The following FRMD4A variants were observed in gnomAD, a reference collection of about 807,000 sequenced individuals.
FRMD4A encodes the protein FERM domain-containing protein 4A.
A neutral mutation model predicts 129.1 loss-of-function variants in FRMD4A; 29 were observed. That is an observed-to-expected ratio of 0.22 (90% CI 0.17 to 0.31). The LOEUF (loss-of-function observed/expected upper bound fraction) is 0.31. Among genes scored for constraint, FRMD4A ranks in the 10% least tolerant of loss-of-function variants. FRMD4A has a pLI of 1.00. For synonymous variants in FRMD4A, 634 were observed against 571.6 expected, an observed-to-expected ratio of 1.11 and a Z score of -1.56; for missense variants, 1,272 against 1,375.8, an observed-to-expected ratio of 0.92 and a Z score of 1.19.
intron 15 of FRMD4A, among the ~76,000 whole-genome samples, chr10:13,689,489 A>G (rs1405094939): frequency 6.6e-6 from 1 of 150,874 alleles, no homozygotes; most frequent in African/African-American, 2.4e-5. Flanking sequence ...GACAGATCCT[A>G]TGGGAGGTAT....
At chr10:14,111,016 TA>T (rs1389582259) in intron 2 of FRMD4A, among the ~76,000 whole-genome samples, 1 of 152,218 alleles carries the variant, frequency 6.6e-6, no homozygotes, top group African/African-American at 2.4e-5. Flanking sequence ...ACACATATCA[TA>T]AAATTTACCT....
intron 2 of FRMD4A, among the ~76,000 whole-genome samples, chr10:13,926,314 T>A (rs1006494959): frequency 1.3e-5 from 2 of 152,134 alleles, no homozygotes; most frequent in Non-Finnish European, 2.9e-5. Context: ...TCCAGATAGT[T>A]GAGATTTTAC....
chr10:13,724,027 C>A (rs2089686242), intron 12 of FRMD4A, among the ~76,000 whole-genome samples: 1 of 152,162 alleles, frequency 6.6e-6, no homozygotes, highest in African/African-American at 2.4e-5. Flanking sequence ...TCAGAAAAGT[C>A]ATGGGACTGC....
At chr10:14,206,293 AGT>A (rs1422165405) in intron 2 of FRMD4A, among the ~76,000 whole-genome samples, 1 of 152,200 alleles carries the variant, frequency 6.6e-6, no homozygotes, top group Non-Finnish European at 1.5e-5. Flanking sequence ...TCAGCACTTA[AGT>A]TGGGGGAAAA....
chr10:13,905,737 G>T (rs1311290331), intron 2 of FRMD4A, among the ~76,000 whole-genome samples: 1 of 152,172 alleles, frequency 6.6e-6, no homozygotes, highest in Non-Finnish European at 1.5e-5. Context: ...CTTGCCAAAA[G>T]TCTGTACCTA....
chr10:14,171,697 C>T (rs116599382), intron 2 of FRMD4A, among the ~76,000 whole-genome samples: 2,214 of 152,334 alleles, frequency 0.015, 55 homozygotes, highest in African/African-American at 0.049. Flanking sequence ...AAGTCCATTA[C>T]ATGGTGTAAT....
At chr10:13,897,271 A>C (rs2131181249) in intron 2 of FRMD4A, among the ~76,000 whole-genome samples, 1 of 152,338 alleles carries the variant, frequency 6.6e-6, no homozygotes, top group Non-Finnish European at 1.5e-5. Context: ...TCCTTGCTGG[A>C]GAAGAAAGAA....
chr10:13,694,197 C>G (rs2085998699), intron 14 of FRMD4A, among the ~76,000 whole-genome samples, 158 bp from the exon 15 acceptor site: 1 of 152,214 alleles, frequency 6.6e-6, no homozygotes. Context: ...TTGGCCTCAT[C>G]ATTAATCACC....
chr10:14,237,753 G>A (rs1468543750), intron 2 of FRMD4A, among the ~76,000 whole-genome samples: 1 of 152,168 alleles, frequency 6.6e-6, no homozygotes, highest in Non-Finnish European at 1.5e-5. Context: ...CAACTGGTAG[G>A]CAAATGCTCT....
chr10:13,831,713 T>C (rs2093793178), intron 3 of FRMD4A, among the ~76,000 whole-genome samples: 1 of 152,186 alleles, frequency 6.6e-6, no homozygotes, highest in African/African-American at 2.4e-5. Flanking sequence ...GTTAATTCCT[T>C]CCACACGTCC....
intron 2 of FRMD4A, chr10:14,008,057 T>C (rs1208569477): frequency 1.5e-6 from 2 of 1,302,866 alleles, no homozygotes; most frequent in Non-Finnish European, 2.0e-6. Flanking sequence ...CCACGTAGCT[T>C]ACCCTTTCAA....
intron 14 of FRMD4A, among the ~76,000 whole-genome samples, chr10:13,699,025 C>G (rs544121290): frequency 6.6e-6 from 1 of 151,032 alleles, no homozygotes; most frequent in African/African-American, 2.4e-5. Context: ...CTAAAAGACA[C>G]GTCTTGTTGC....
chr10:13,810,875 C>G lies in FRMD4A; in HGVS notation c.145G>C (p.Val49Leu). The part of the protein sequence containing the change: ...KLLAKELLDL[V>L]ASHFNLKEKE... Reference sequence around the variant, plus strand: ...TCCTTCAGATTGAAGTGAGAAGCCACAAGGTCAAGAAGCTCCTTGGCCAAC... The same window carrying G: ...TCCTTCAGATTGAAGTGAGAAGCCAGAAGGTCAAGAAGCTCCTTGGCCAAC... Residue 49 changes from valine (V) to leucine (L), a missense_variant, in exon 4 of 25, where the codon GTG becomes CTG. Val to Leu is a conservative substitution (Grantham distance 32). Around this residue, in one of 2 missense-constraint regions of FRMD4A, gnomAD observed 300 missense variants for 483.6 expected, o/e 0.62. Transcript: ENST00000357447. 1 of 1,605,016 alleles carries G rather than the reference C, an allele frequency of 6.2e-7. No individual in the cohort carries two copies.
At chr10:14,101,300 C>T (rs1359809272) in intron 2 of FRMD4A, among the ~76,000 whole-genome samples, 1 of 152,174 alleles carries the variant, frequency 6.6e-6, no homozygotes, top group East Asian at 1.9e-4. Context: ...GGCAATGAAA[C>T]TCACAGAATT....
intron 4 of FRMD4A, among the ~76,000 whole-genome samples, chr10:13,804,706 A>G (rs1029971796): frequency 5.3e-5 from 7 of 131,802 alleles, no homozygotes; most frequent in African/African-American, 2.0e-4. Context: ...CACCACACCC[A>G]GCTAATTCTT....
At chr10:13,785,766 C>T (rs554668183) in intron 5 of FRMD4A, among the ~76,000 whole-genome samples, 164 of 151,348 alleles carry the variant, frequency 1.1e-3, no homozygotes, top group African/African-American at 3.8e-3. Context: ...TGCTATCCCT[C>T]CCCCTACCCC....
chr10:14,308,610 T>C (rs1846432729), intron 2 of FRMD4A, among the ~76,000 whole-genome samples: 1 of 152,228 alleles, frequency 6.6e-6, no homozygotes, highest in East Asian at 1.9e-4. Context: ...TTTTTATCTC[T>C]GAGTAGTTAC....
At chr10:14,196,848 C>G (rs530175339) in intron 2 of FRMD4A, among the ~76,000 whole-genome samples, 1 of 152,164 alleles carries the variant, frequency 6.6e-6, no homozygotes. Context: ...TCGTAGTTCT[C>G]TAAATGGTTT....
intron 14 of FRMD4A, among the ~76,000 whole-genome samples, chr10:13,701,047 C>T (rs2086786210): frequency 6.6e-6 from 1 of 151,950 alleles, no homozygotes; most frequent in Non-Finnish European, 1.5e-5. Flanking sequence ...AGGATTCTCC[C>T]GAGGGCCAAA....
Sources: allele counts gnomAD v4.1 joint callset (sites outside exome capture counted in the v4.1 genomes callset), GRCh38; gene constraint gnomAD v4.1.1; regional missense constraint gnomAD v4.1.1; transcripts MANE v1.5; gene names NCBI Gene and HGNC (gene_info 2026-07-23, HGNC 2026-07-21).